Variants in WDR90 observed in about 807,000 individuals in gnomAD.
WDR90 encodes WD repeat-containing protein 90.
WDR90 carries 238 observed loss-of-function variants against 195.2 expected under a neutral mutation model. The ratio of observed to expected loss-of-function variants is 1.22; its 90% CI spans 1.10 to 1.36. The LOEUF (loss-of-function observed/expected upper bound fraction) is 1.36, where lower values mean the gene tolerates loss of function less well. Among genes scored for constraint, WDR90 ranks in the 40% most tolerant of loss-of-function variants. The pLI is 0.00. For synonymous variants in WDR90, 1,265 were observed against 1,052.4 expected (o/e 1.20, Z -3.91); for missense variants, 2,734 against 2,439.5 (o/e 1.12, Z -2.54).
intron 10 of WDR90, 32 bp downstream of exon 10, chr16:652,567 T>C: frequency 6.4e-7 from 1 of 1,572,106 alleles, no homozygotes; most frequent in Non-Finnish European, 8.6e-7. Flanking sequence ...CCAGAGCAGC[T>C]CTCGTTGGCC....
rs1402924879 is a variant in WDR90, at chr16:656,571, G to T, written c.2202+34G>T. 3.2e-6 allele frequency: 5 copies of T among 1,562,612 alleles called. No individual in the cohort carries two copies. The Admixed American group carries it at 7.3e-5, about 23-fold the overall frequency. On this transcript the variant is annotated intron_variant, in intron 18 of 40. Transcript: ENST00000293879. Reference sequence around the variant, plus strand: ...TGGCAGGGGCAGCACGGCAGGGAGGGCCGGGAGGTCCTGAAGCTGGGGTTT... The same window carrying T: ...TGGCAGGGGCAGCACGGCAGGGAGGTCCGGGAGGTCCTGAAGCTGGGGTTT...
Position 652,470 on chromosome 16 carries a change from T to G in WDR90, c.1057T>G (p.Phe353Val), listed in dbSNP as rs1040479263. ...PVARTGSCEG[F>V]LPDPVLRLKG... ...TTGATGCGAATGGCTGTTTCAGGGC[T>G]TCCTCCCAGACCCAGTCCTGAGGCT... Residue 353 changes from phenylalanine (F) to valine (V), a missense_variant, in exon 10 of 41, where the codon TTC becomes GTC. By Grantham distance (50) the Phe-to-Val change is conservative. Coordinates refer to ENST00000293879, the MANE Select transcript of WDR90 (RefSeq NM_145294.5). The G allele has an allele frequency of 1.8e-5, 29 of 1,605,854 alleles. No individual in the cohort carries two copies. The highest frequency in any genetic ancestry group is 2.1e-5 in the Non-Finnish European group (25 of 1,175,642).
intron 34 of WDR90, among the ~76,000 whole-genome samples, chr16:664,208 C>G (rs927725118): frequency 6.6e-6 from 1 of 152,124 alleles, no homozygotes; most frequent in African/African-American, 2.4e-5. Flanking sequence ...AAACCCCGTG[C>G]GTGCCTGTTC....
At chr16:650,513 G>A (rs537313911) in intron 4 of WDR90, 26 bp from the exon 5 acceptor site, 9 of 1,590,840 alleles carry the variant, frequency 5.7e-6, no homozygotes, top group South Asian at 5.5e-5. Flanking sequence ...GAGGGTGGGC[G>A]CTGACCCTGA....
Position 657,071 on chromosome 16 carries a change from G to T in WDR90, c.2343-20G>T. ...TGGGCTTCGGGGCTAGGGCCAGCGG[G>T]GTCCCTGTGTGTGCTGCAGGTGCCA... On this transcript the variant is annotated intron_variant, in intron 19 of 40. Coordinates refer to ENST00000293879, the MANE Select transcript of WDR90 (RefSeq NM_145294.5). 2 of 1,595,678 alleles carry T rather than the reference G, an allele frequency of 1.3e-6. No individual in the cohort carries two copies. The highest frequency in any genetic ancestry group is 2.2e-5 in the South Asian group (2 of 89,092).
In WDR90 at chr16:653,329, C is replaced by A. The variant is rs1222010020; in HGVS notation, c.1123-12C>A. ...TAGCACCGGTCCTCAGCCCCCCGCC[C>A]CCTTGTGCCAGGCCCTGTGGACCCC... On this transcript the variant is annotated splice_polypyrimidine_tract_variant and intron_variant, in intron 10 of 40. Coordinates refer to ENST00000293879, the MANE Select transcript of WDR90 (RefSeq NM_145294.5). 1 of 1,520,532 alleles carries A rather than the reference C, an allele frequency of 6.6e-7. No individual in the cohort carries two copies. The allele number at this position is 1,520,532 out of a possible 1,614,324, so 94.2% of individuals were successfully genotyped here. A position where few individuals can be genotyped will look rare whatever the true frequency, so the allele number is the denominator to read the frequency against.
At position 657,815 on chromosome 16, in the gene WDR90, AG is replaced by A; in HGVS notation, c.2530del (p.Asp844MetfsTer15). 1 of 1,566,692 alleles carries A rather than the reference AG, an allele frequency of 6.4e-7. No homozygotes were observed. ...PASPSALAVS[R>X]DGRLLAFVGP... is the part of the protein sequence containing the mutation. ...GAGCCCCAGCGCCCTGGCAGTCAGC[AG>A]GGATGGCCGCCTGCTGGCCTTTGTG... On this transcript the variant is annotated frameshift_variant, in exon 21 of 41. Transcript: ENST00000293879. LOFTEE classifies it high-confidence loss of function.
chr16:654,906 C>T (rs751760544), intron 13 of WDR90, 123 bp from the exon 14 acceptor site: 51 of 863,780 alleles, frequency 5.9e-5, no homozygotes, highest in South Asian at 4.7e-4. Flanking sequence ...CACGGCCGCA[C>T]GCTCAGAGGC....
At chr16:665,553 G>C (rs769530541) in intron 34 of WDR90, 126 bp from the exon 35 acceptor site, 1 of 1,490,084 alleles carries the variant, frequency 6.7e-7, no homozygotes, top group African/African-American at 1.4e-5. Flanking sequence ...ATGTGGAGTT[G>C]GCCGGGGCCA....
chr16:653,926 C>A, intron 13 of WDR90, 123 bp downstream of exon 13: 1 of 1,264,292 alleles, frequency 7.9e-7, no homozygotes. Context: ...TGTGTCCTCC[C>A]TGTGGTGGGG....
intron 10 of WDR90, among the ~76,000 whole-genome samples, chr16:652,807 C>T (rs185211455): frequency 2.0e-5 from 3 of 152,342 alleles, no homozygotes; most frequent in East Asian, 3.9e-4. Context: ...GTGCTCCCCC[C>T]GAAGACCCAG....
At chr16:652,219 G>GT (rs1226362350) in intron 9 of WDR90, 180 bp downstream of exon 9, 1 of 860,394 alleles carries the variant, frequency 1.2e-6, no homozygotes, top group Non-Finnish European at 1.8e-6. Flanking sequence ...TCCACAAAGA[G>GT]TAAGGCAGGG....
intron 17 of WDR90, 25 bp downstream of exon 17, chr16:655,914 A>G (rs1347179677): frequency 1.9e-5 from 30 of 1,571,202 alleles, no homozygotes; most frequent in Non-Finnish European, 2.0e-5. Flanking sequence ...ACGCTCTCCC[A>G]ACTCCGGGAG....
In WDR90 at chr16:658,080, G is replaced by T. The variant is rs1278039629; in HGVS notation, c.2605-103G>T. ...CCTGTGCAGGGCAGGTGCTGCCTGG[G>T]TGCCGAGTGCGTGTCCCCGGGACCT... On this transcript the variant is annotated intron_variant, in intron 21 of 40. Coordinates refer to ENST00000293879, the MANE Select transcript of WDR90 (RefSeq NM_145294.5). The T allele has an allele frequency of 9.4e-6, 14 of 1,492,190 alleles. No homozygotes were observed. The African/African-American group carries it at 1.9e-4, about 21-fold the overall frequency. 92.4% of individuals were successfully genotyped at this position (1,492,190 alleles called of 1,614,324 possible).
In WDR90 at chr16:650,703, G is replaced by C. The variant is rs770599891; in HGVS notation, c.553G>C (p.Glu185Gln). 1 of 1,606,278 alleles carries C rather than the reference G, an allele frequency of 6.2e-7. No homozygotes were observed. ...RNLYTSDLCF[E>Q]PAISGAQWAK... ...CCTGTACACCAGTGACCTGTGCTTTGAGCCTGGTGAGGGCCGCACCTGCAC... is the reference window on the plus strand; with the variant it reads ...CCTGTACACCAGTGACCTGTGCTTTCAGCCTGGTGAGGGCCGCACCTGCAC... Residue 185 changes from glutamate to glutamine, a missense_variant, in exon 5 of 41, where the codon GAG becomes CAG. Physicochemically the swap from Glu to Gln is conservative, Grantham distance 29. Transcript: ENST00000293879.
chr16:651,128 G>C (rs753430938), intron 6 of WDR90, 25 bp downstream of exon 6: 1 of 1,613,350 alleles, frequency 6.2e-7, no homozygotes, highest in Non-Finnish European at 8.5e-7. Context: ...TTCTTTCGAG[G>C]GAGGCCTCGG....
rs1371697101 is a variant in WDR90, at chr16:659,106, C to CA, written c.3032_3033insA (p.Ala1014SerfsTer193). 1.2e-6 allele frequency: 2 copies of CA among 1,610,754 alleles called. No individual in the cohort carries two copies. The highest frequency in any genetic ancestry group is 2.7e-5 in the African/African-American group (2 of 74,834). Reference sequence around the variant, plus strand: ...TCCAGCGACCAAAGCTTCCCCGGGGCCCCCCCAGCCTGCAAGACAGGTGAG... The same window carrying CA: ...TCCAGCGACCAAAGCTTCCCCGGGGCACCCCCCAGCCTGCAAGACAGGTGAG... On this transcript the variant is annotated frameshift_variant, in exon 25 of 41. Transcript: ENST00000293879. LOFTEE classifies it high-confidence loss of function.
intron 17 of WDR90, 137 bp from the exon 18 acceptor site, chr16:656,165 T>A: frequency 2.3e-6 from 2 of 882,812 alleles, no homozygotes; most frequent in South Asian, 3.3e-5. Context: ...TCGAGGGAGC[T>A]GCATCTTGCA....
In WDR90 at chr16:666,445, C is replaced by T; in HGVS notation, c.4741-10C>T. On this transcript the variant is annotated splice_polypyrimidine_tract_variant and intron_variant, in intron 37 of 40. Transcript: ENST00000293879. ...AGGCACCTGTCGGCCCTCACCCACT[C>T]CATTCCCAGTGTGAAGACTTAGGGG... is the stretch of plus-strand genomic sequence containing the variant. The T allele has an allele frequency of 2.5e-6, 4 of 1,609,894 alleles. No individual in the cohort carries two copies. The highest frequency in any genetic ancestry group is 1.3e-5 in the African/African-American group (1 of 75,016).
Sources: allele counts gnomAD v4.1 joint callset (sites outside exome capture counted in the v4.1 genomes callset), GRCh38; gene constraint gnomAD v4.1.1; transcripts MANE v1.5; gene names NCBI Gene and HGNC (gene_info 2026-07-23, HGNC 2026-07-21).